The following RHBDL3 variants were observed in gnomAD, a reference collection of about 807,000 sequenced individuals.
RHBDL3 encodes rhomboid like 3.
RHBDL3 carries 28 observed loss-of-function variants against 48.2 expected under a neutral mutation model. The ratio of observed to expected loss-of-function variants is 0.58; its 90% CI spans 0.43 to 0.80. The LOEUF (loss-of-function observed/expected upper bound fraction) is 0.80. Among genes scored for constraint, RHBDL3 ranks in the 30% least tolerant of loss-of-function variants. The pLI, the probability that RHBDL3 is intolerant of heterozygous loss-of-function variation, is 0.00. For synonymous variants in RHBDL3, 208 were observed against 232.3 expected (o/e 0.90, Z 0.95); for missense variants, 464 against 542.7 (o/e 0.85, Z 1.44).
At chr17:32,282,376 G>A (rs1315910086) in intron 2 of RHBDL3, among the ~76,000 whole-genome samples, 3 of 152,148 alleles carry the variant, frequency 2.0e-5, no homozygotes, top group Non-Finnish European at 2.9e-5. Flanking sequence ...AGACCAGCCT[G>A]GGCAACGTAG....
intron 8 of RHBDL3, among the ~76,000 whole-genome samples, chr17:32,319,368 G>GCC (rs2041054771): frequency 7.0e-6 from 1 of 141,874 alleles, no homozygotes; most frequent in African/African-American, 2.6e-5. Context: ...CTTGCAGTGA[G>GCC]CCGAGATCGC....
At chr17:32,268,168 T>A (rs1597602965) in intron 2 of RHBDL3, among the ~76,000 whole-genome samples, 1 of 152,182 alleles carries the variant, frequency 6.6e-6, no homozygotes, top group African/African-American at 2.4e-5. Flanking sequence ...GAGCCGGGTT[T>A]ACACCATGTA....
intron 6 of RHBDL3, among the ~76,000 whole-genome samples, chr17:32,302,440 T>A (rs888868814): frequency 1.3e-5 from 2 of 152,102 alleles, no homozygotes; most frequent in African/African-American, 4.8e-5. Flanking sequence ...CACTGCAACC[T>A]CTGCCTCCCA....
At chr17:32,278,664 C>G (rs1027064018) in intron 2 of RHBDL3, among the ~76,000 whole-genome samples, 1 of 152,146 alleles carries the variant, frequency 6.6e-6, no homozygotes, top group Admixed American at 6.6e-5. Flanking sequence ...GCACCTATTA[C>G]CAGCCATTCA....
intron 2 of RHBDL3, among the ~76,000 whole-genome samples, chr17:32,268,566 T>C (rs1206334766): frequency 1.3e-5 from 2 of 152,168 alleles, no homozygotes; most frequent in Non-Finnish European, 2.9e-5. Flanking sequence ...ATGGTTCTCC[T>C]CTTAGCATTC....
chr17:32,297,862 AC>A (rs1212783035), intron 5 of RHBDL3, among the ~76,000 whole-genome samples: 1 of 151,554 alleles, frequency 6.6e-6, no homozygotes, highest in African/African-American at 2.4e-5. Context: ...GCTGCCAGTC[AC>A]GCCCAGGCCT....
At position 32,298,141 on chromosome 17, in the gene RHBDL3, C is replaced by A. The variant is rs374969239; in HGVS notation, c.718C>A (p.Pro240Thr). The change falls in exon 6 of 9, where the codon CCC becomes ACC. Residue 240 changes from proline to threonine, a missense_variant. Coordinates refer to ENST00000269051, the MANE Select transcript of RHBDL3 (RefSeq NM_138328.3). ...GGTGCTGCAGCTGCTGGTGGGGGTG[C>A]CCCTGGAGATGGTGCATGGAGCCAC... ...NVVLQLLVGV[P>T]LEMVHGATRI... 7 of 1,613,860 alleles carry A rather than the reference C, an allele frequency of 4.3e-6. No homozygotes were observed. Among genetic ancestry groups the A allele is most frequent in the African/African-American group, 2.7e-5 (2 of 74,926 alleles).
chr17:32,271,071 G>T (rs949379530), intron 2 of RHBDL3, among the ~76,000 whole-genome samples: 1 of 152,112 alleles, frequency 6.6e-6, no homozygotes, highest in Non-Finnish European at 1.5e-5. Context: ...AAAGAAAAAA[G>T]TCTTATTTTC....
Position 32,321,114 on chromosome 17 carries a change from A to G in RHBDL3, c.1100A>G (p.Asp367Gly). Residue 367 changes from aspartate (D) to glycine (G), a missense_variant, in exon 9 of 9, where the codon GAC becomes GGC. By Grantham distance (94) the Asp-to-Gly change is moderately conservative. Coordinates refer to ENST00000269051, the MANE Select transcript of RHBDL3 (RefSeq NM_138328.3). ...AGGAACTACGAGCAGAGGCTCCAGG[A>G]CCAGTCACTGTGGTGGATTTTTGTG... The part of the protein sequence containing the change: ...VLRNYEQRLQ[D>G]QSLWWIFVAM... The G allele has an allele frequency of 6.2e-7, 1 of 1,614,232 alleles. No individual in the cohort carries two copies. Among genetic ancestry groups the G allele is most frequent in the Non-Finnish European group, 8.5e-7 (1 of 1,180,034 alleles).
chr17:32,284,539 AGC>A, intron 2 of RHBDL3, 118 bp from the exon 3 acceptor site: 1 of 928,714 alleles, frequency 1.1e-6, no homozygotes, highest in Admixed American at 2.5e-5. Flanking sequence ...CCAGACACTG[AGC>A]CTCTGCCAGG....
At chr17:32,301,175 T>G (rs1180245554) in intron 6 of RHBDL3, among the ~76,000 whole-genome samples, 1 of 151,926 alleles carries the variant, frequency 6.6e-6, no homozygotes, top group East Asian at 1.9e-4. Context: ...CCACTGCGCC[T>G]GGCAGCCCCC....
chr17:32,294,460 T>G lies in RHBDL3; in HGVS notation c.668+18T>G. 6.2e-7 allele frequency: 1 copy of G among 1,609,950 alleles called. No individual in the cohort carries two copies. Among genetic ancestry groups the G allele is most frequent in the South Asian group, 1.1e-5 (1 of 90,242 alleles). On this transcript the variant is annotated intron_variant, in intron 5 of 8. Transcript: ENST00000269051. ...CATGCAGGGTGAGTACCTGTCTTCT[T>G]TTGCTCTGTCAAAAGACCCTACAGA...
At chr17:32,303,308 G>A (rs1402385872) in intron 6 of RHBDL3, among the ~76,000 whole-genome samples, 1 of 152,200 alleles carries the variant, frequency 6.6e-6, no homozygotes, top group Non-Finnish European at 1.5e-5. Context: ...GGAGGCTGGG[G>A]CTTCCTCTGT....
chr17:32,310,105 T>C (rs2040808670), intron 7 of RHBDL3, among the ~76,000 whole-genome samples: 1 of 152,214 alleles, frequency 6.6e-6, no homozygotes, highest in Non-Finnish European at 1.5e-5. Flanking sequence ...GAATAATTTA[T>C]TAATTGCCTC....
Position 32,266,284 on chromosome 17 carries a change from C to T in RHBDL3, c.95C>T (p.Pro32Leu). 1 of 1,466,700 alleles carries T rather than the reference C, an allele frequency of 6.8e-7. No individual in the cohort carries two copies. The highest frequency in any genetic ancestry group is 1.3e-5 in the South Asian group (1 of 77,664). The allele number at this position is 1,466,700 out of a possible 1,614,324, so 90.9% of individuals were successfully genotyped here. A position where few individuals can be genotyped will look rare whatever the true frequency, so the allele number is the denominator to read the frequency against. Residue 32 changes from proline (P) to leucine (L), a missense_variant, in exon 1 of 9, where the codon CCC becomes CTC. Transcript: ENST00000269051. ...GAACCCGAGGCCGAGGAGCGGCTGC[C>T]CGCGGCGCCGGAGGACGTGAGTGCC... ...ELEPEAEERLPAAPEDHWKVL... is the reference protein window; with the variant it reads ...ELEPEAEERLLAAPEDHWKVL...
intron 5 of RHBDL3, 112 bp from the exon 6 acceptor site, chr17:32,297,980 T>C: frequency 5.3e-6 from 4 of 752,008 alleles, no homozygotes; most frequent in Non-Finnish European, 9.4e-6. Context: ...GCAGAGGTGG[T>C]CTTGTTCATT....
Position 32,321,550 on chromosome 17 carries a change from C to A in RHBDL3, c.*321C>A. On this transcript the variant is annotated 3_prime_UTR_variant, in exon 9 of 9. Coordinates refer to ENST00000269051, the MANE Select transcript of RHBDL3 (RefSeq NM_138328.3). The stretch of plus-strand genomic sequence containing the variant: ...CTTCTTCCATGGGGCCAGGGGGTGC[C>A]CCCTCACTGCTGCGGATTGAGCAGC... 2.0e-6 allele frequency: 1 copy of A among 496,100 alleles called. No individual in the cohort carries two copies. The highest frequency in any genetic ancestry group is 3.6e-6 in the Non-Finnish European group (1 of 274,228). 30.7% of individuals were successfully genotyped at this position (496,100 alleles called of 1,614,324 possible). A position where few individuals can be genotyped will look rare whatever the true frequency, so the allele number is the denominator to read the frequency against.
intron 2 of RHBDL3, among the ~76,000 whole-genome samples, chr17:32,268,882 C>T (rs963385095): frequency 1.3e-5 from 2 of 151,758 alleles, no homozygotes; most frequent in African/African-American, 2.4e-5. Context: ...GAATGGGCTA[C>T]GGGGATGAGG....
intron 5 of RHBDL3, among the ~76,000 whole-genome samples, chr17:32,296,775 TTTTTATTTTATTTTATTTTATTTTA>T (rs140902896): frequency 7.8e-5 from 11 of 141,092 alleles, no homozygotes; most frequent in African/African-American, 1.6e-4. Flanking sequence ...CCGTAGCTCT[TTTTTATTTTATTTTATTTTATTTTA>T]TTTTATTTTA....
Sources: gnomAD v4.1 joint callset for allele counts (sites outside exome capture counted in the v4.1 genomes callset) on GRCh38, gnomAD v4.1.1 for gene constraint, MANE v1.5 for transcripts, NCBI Gene and HGNC (gene_info 2026-07-23, HGNC 2026-07-21) for gene names.